Variants in SLIT2 observed in about 807,000 individuals in gnomAD.
The protein encoded by SLIT2 is slit homolog 2 protein.
SLIT2 carries 41 observed loss-of-function variants against 185.7 expected under a neutral mutation model. The ratio of observed to expected loss-of-function variants is 0.22; its 90% confidence interval spans 0.17 to 0.29. The LOEUF is 0.29. Ranked by LOEUF, SLIT2 falls within the 10% of genes least tolerant of loss-of-function variation. The probability of loss-of-function intolerance (pLI) is 1.00; values close to 1 mark genes in which losing one functional copy is unlikely to be tolerated. For missense variants in SLIT2, 1,571 were observed against 1,909.0 expected (o/e 0.82, Z 3.30); for synonymous variants, 693 against 680.2 (o/e 1.02, Z -0.29).
At chr4:20,373,356 G>A (rs148828375) in intron 4 of SLIT2, among the ~76,000 whole-genome samples, 50 of 152,050 alleles carry the variant, frequency 3.3e-4, no homozygotes, top group African/African-American at 1.2e-3. Context: ...ACTCAATAAT[G>A]TATGAAATCA....
At chr4:20,406,431 C>T (rs1239831608) in intron 4 of SLIT2, among the ~76,000 whole-genome samples, 2 of 143,188 alleles carry the variant, frequency 1.4e-5, no homozygotes, top group South Asian at 2.5e-4. Context: ...ATCTTTAAAA[C>T]CTCTTACAAA....
chr4:20,555,325 C>T (rs925184050), intron 26 of SLIT2, among the ~76,000 whole-genome samples: 2 of 151,996 alleles, frequency 1.3e-5, no homozygotes, highest in African/African-American at 4.8e-5. Flanking sequence ...TAATGCTGTG[C>T]GGTGGGTTGC....
intron 4 of SLIT2, among the ~76,000 whole-genome samples, chr4:20,336,013 T>C (rs979118604): frequency 6.6e-6 from 1 of 152,092 alleles, no homozygotes; most frequent in Admixed American, 6.6e-5. Flanking sequence ...GTATCTAGGA[T>C]AGGGATTTTC....
At chr4:20,277,297 A>G (rs947497452) in intron 4 of SLIT2, among the ~76,000 whole-genome samples, 1 of 152,138 alleles carries the variant, frequency 6.6e-6, no homozygotes, top group Non-Finnish European at 1.5e-5. Flanking sequence ...ATTTTTTTGT[A>G]AGTAAAGACA....
chr4:20,339,461 T>C (rs1720784573), intron 4 of SLIT2, among the ~76,000 whole-genome samples: 1 of 152,166 alleles, frequency 6.6e-6, no homozygotes, highest in Non-Finnish European at 1.5e-5. Context: ...AAGGGTATGG[T>C]ACTAATAACG....
At chr4:20,608,462 G>T (rs1232043963) in intron 33 of SLIT2, among the ~76,000 whole-genome samples, 1 of 152,002 alleles carries the variant, frequency 6.6e-6, no homozygotes, top group Admixed American at 6.6e-5. Flanking sequence ...TTTTTCCTCT[G>T]CCAATTGTAT....
At chr4:20,273,591 G>C (rs988924950) in intron 4 of SLIT2, among the ~76,000 whole-genome samples, 1 of 152,058 alleles carries the variant, frequency 6.6e-6, no homozygotes, top group South Asian at 2.1e-4. Flanking sequence ...TCAATTAAAT[G>C]TTTGATTCCC....
chr4:20,384,662 T>C (rs1176838375), intron 4 of SLIT2, among the ~76,000 whole-genome samples: 1 of 152,134 alleles, frequency 6.6e-6, no homozygotes, highest in African/African-American at 2.4e-5. Context: ...CTTAATATTA[T>C]TTTAGAAAGG....
At chr4:20,605,806 G>A (rs916864092) in intron 33 of SLIT2, among the ~76,000 whole-genome samples, 1 of 150,020 alleles carries the variant, frequency 6.7e-6, no homozygotes, top group South Asian at 2.1e-4. Context: ...GACTGCAGTG[G>A]CACGGTCTCG....
intron 29 of SLIT2, among the ~76,000 whole-genome samples, chr4:20,584,794 C>T (rs1726909843): frequency 6.6e-6 from 1 of 152,118 alleles, no homozygotes; most frequent in African/African-American, 2.4e-5. Context: ...AAACTCTATA[C>T]CTGTAATCCC....
chr4:20,406,935 A>G (rs2109415600), intron 4 of SLIT2, among the ~76,000 whole-genome samples: 1 of 23,874 alleles, frequency 4.2e-5, no homozygotes, highest in South Asian at 9.1e-4. Flanking sequence ...AATACAAAAA[A>G]ATAAACGAGA....
intron 26 of SLIT2, among the ~76,000 whole-genome samples, chr4:20,559,504 T>C (rs998793200): frequency 2.0e-5 from 3 of 151,988 alleles, no homozygotes; most frequent in Non-Finnish European, 4.4e-5. Context: ...ATGAAGACTC[T>C]GCTAGTTCAA....
chr4:20,379,354 GAGA>G (rs1724299036), intron 4 of SLIT2, among the ~76,000 whole-genome samples: 1 of 152,118 alleles, frequency 6.6e-6, no homozygotes, highest in Admixed American at 6.6e-5. Flanking sequence ...TAACATTTTT[GAGA>G]AGAATACTTT....
At chr4:20,602,996 A>G (rs1176680798) in intron 33 of SLIT2, among the ~76,000 whole-genome samples, 1 of 152,174 alleles carries the variant, frequency 6.6e-6, no homozygotes, top group African/African-American at 2.4e-5. Flanking sequence ...TATTTACAGC[A>G]CTTAGAGAAT....
At chr4:20,567,704 A>G in intron 28 of SLIT2, 89 bp downstream of exon 28, 2 of 1,016,420 alleles carry the variant, frequency 2.0e-6, no homozygotes, top group Non-Finnish European at 3.1e-6. Context: ...AAATCAAAGG[A>G]CAGTATTTTT....
Position 20,533,575 on chromosome 4 carries a change from C to A in SLIT2, c.1692C>A (p.Asn564Lys). ...FKKLPQLRKI[N>K]FSNNKITDIE... ...TGTTCCAACAATTTTTATTTAGAAA[C>A]TTTAGCAACAATAAGATCACAGATA... is the stretch of plus-strand genomic sequence containing the variant. Residue 564 changes from asparagine (N) to lysine (K), a missense_variant, in exon 18 of 37, where the codon AAC becomes AAA. This residue lies in a region of SLIT2 where 1,202 missense variants were observed against 1,416.4 expected (regional missense o/e 0.85). Transcript: ENST00000504154. The A allele has an allele frequency of 6.2e-7, 1 of 1,603,502 alleles. No individual in the cohort carries two copies. Among genetic ancestry groups the A allele is most frequent in the Non-Finnish European group, 8.5e-7 (1 of 1,174,316 alleles).
intron 3 of SLIT2, among the ~76,000 whole-genome samples, chr4:20,259,754 C>T (rs1246103675): frequency 6.6e-6 from 1 of 151,780 alleles, no homozygotes; most frequent in Non-Finnish European, 1.5e-5. Context: ...TCTACTAAGA[C>T]TAAGTCAGAT....
intron 4 of SLIT2, among the ~76,000 whole-genome samples, chr4:20,273,006 A>G (rs371483952): frequency 1.8e-4 from 28 of 152,140 alleles, no homozygotes; most frequent in African/African-American, 5.1e-4. Context: ...CCAGGTCATA[A>G]TTCATTATCT....
intron 34 of SLIT2, chr4:20,616,058 T>C (rs1478642668): frequency 6.6e-6 from 1 of 152,270 alleles, no homozygotes; most frequent in African/African-American, 2.4e-5. Context: ...AATGTATATA[T>C]ACAAAGATTG....
Sources: gnomAD v4.1 joint callset for allele counts (sites outside exome capture counted in the v4.1 genomes callset) on GRCh38, gnomAD v4.1.1 for gene constraint, gnomAD v4.1.1 regional missense constraint, MANE v1.5 for transcripts, NCBI Gene and HGNC (gene_info 2026-07-23, HGNC 2026-07-21) for gene names.